Variants in TXNRD1 observed in about 807,000 individuals in gnomAD.
The protein encoded by TXNRD1 is thioredoxin reductase 1, cytoplasmic.
A neutral mutation model predicts 80.3 loss-of-function variants in TXNRD1; 57 were observed. The observed-to-expected ratio is 0.71, with a 90% CI of 0.57 to 0.89. The LOEUF (loss-of-function observed/expected upper bound fraction) is 0.89, where lower values mean the gene tolerates loss of function less well. Among genes scored for constraint, TXNRD1 ranks in the 40% least tolerant of loss-of-function variants. The pLI is 0.00. For synonymous variants in TXNRD1, 291 were observed against 285.2 expected (o/e 1.02, Z -0.20); for missense variants, 730 against 803.0 (o/e 0.91, Z 1.10).
chr12:104,290,140 G>A (rs1219454353), intron 4 of TXNRD1, among the ~76,000 whole-genome samples: 1 of 152,144 alleles, frequency 6.6e-6, no homozygotes, highest in Non-Finnish European at 1.5e-5. Context: ...TAACGCCTGC[G>A]TTAAATGTAA....
In TXNRD1 at chr12:104,251,582, C is replaced by T. The variant is rs1277643584; in HGVS notation, c.147C>T (p.Ser49=). The T allele has an allele frequency of 6.8e-6, 11 of 1,613,820 alleles. No homozygotes were observed. The highest frequency in any genetic ancestry group is 8.5e-6 in the Non-Finnish European group (10 of 1,179,840). The change falls in exon 2 of 17, where the codon AGC becomes AGT. Residue 49 remains serine (S), a synonymous_variant. Transcript: ENST00000525566. The part of the protein sequence containing the change: ...TLPENPAGFT[S]TATADSRALL... Reference sequence around the variant, plus strand: ...CAGAGAACCCAGCAGGATTCACCAGCACGGCCACTGCAGACTCCAGAGCCC... The same window carrying T: ...CAGAGAACCCAGCAGGATTCACCAGTACGGCCACTGCAGACTCCAGAGCCC...
intron 4 of TXNRD1, chr12:104,304,073 C>G (rs530761622): frequency 6.2e-7 from 1 of 1,613,922 alleles, no homozygotes; most frequent in Non-Finnish European, 8.5e-7. Context: ...GTACCGGCAG[C>G]TCATGTACTG....
At chr12:104,268,165 TTCTC>T (rs909001161) in intron 3 of TXNRD1, among the ~76,000 whole-genome samples, 13 of 144,026 alleles carry the variant, frequency 9.0e-5, no homozygotes, top group Admixed American at 4.9e-4. Context: ...CCCTTCCTCT[TTCTC>T]TCTGTCTCTC....
chr12:104,325,343 C>G lies in TXNRD1; in HGVS notation c.1222C>G (p.Gln408Glu). The change falls in exon 11 of 17, where the codon CAA (glutamine) becomes GAA (glutamate). Residue 408 changes from glutamine to glutamate, a missense_variant. By Grantham distance (29) the Gln-to-Glu change is conservative. Coordinates refer to ENST00000525566, the MANE Select transcript of TXNRD1 (RefSeq NM_001093771.3). ...AACTTTATCACTCTTACAGGTTGAA[C>G]AAATTGAAGCAGGGACACCAGGCCG... The part of the protein sequence containing the change: ...IRQFVPIKVE[Q>E]IEAGTPGRLR... The G allele has an allele frequency of 6.2e-7, 1 of 1,611,894 alleles. No homozygotes were observed. Among genetic ancestry groups the G allele is most frequent in the Non-Finnish European group, 8.5e-7 (1 of 1,178,622 alleles).
At chr12:104,310,182 GTGAGACTCC>G (rs1168423214) in intron 4 of TXNRD1, 1 of 1,243,940 alleles carries the variant, frequency 8.0e-7, no homozygotes, top group Non-Finnish European at 1.0e-6. Context: ...GTCTCACTCT[GTGAGACTCC>G]CAGGCTGGAG....
chr12:104,338,649 A>G (rs919028704), intron 15 of TXNRD1, among the ~76,000 whole-genome samples: 2 of 151,050 alleles, frequency 1.3e-5, no homozygotes, highest in African/African-American at 4.9e-5. Flanking sequence ...GTGAGTGGAG[A>G]TCGCGCCATT....
intron 1 of TXNRD1, among the ~76,000 whole-genome samples, chr12:104,242,366 G>T (rs2032892783): frequency 1.3e-5 from 2 of 151,976 alleles, no homozygotes; most frequent in East Asian, 3.9e-4. Flanking sequence ...TGGCCAAGAT[G>T]GTGAAACCCC....
intron 1 of TXNRD1, among the ~76,000 whole-genome samples, chr12:104,244,448 A>AT (rs899215804): frequency 2.0e-5 from 3 of 150,510 alleles, no homozygotes; most frequent in African/African-American, 7.3e-5. Flanking sequence ...TGCAACTTTA[A>AT]TTTTTTTTTT....
chr12:104,237,568 G>T (rs922070471), intron 1 of TXNRD1, among the ~76,000 whole-genome samples: 3 of 152,192 alleles, frequency 2.0e-5, no homozygotes, highest in African/African-American at 7.2e-5. Context: ...ACCCGGCCCT[G>T]TTCCTCCAAG....
intron 1 of TXNRD1, among the ~76,000 whole-genome samples, chr12:104,234,881 C>G (rs761846766): frequency 2.6e-5 from 4 of 152,106 alleles, no homozygotes; most frequent in Non-Finnish European, 4.4e-5. Context: ...GAGGCAATAC[C>G]TCTTGATGAC....
At chr12:104,221,205 G>A (rs1226365377) in intron 1 of TXNRD1, among the ~76,000 whole-genome samples, 1 of 152,228 alleles carries the variant, frequency 6.6e-6, no homozygotes, top group East Asian at 1.9e-4. Context: ...CGAGGCTGCA[G>A]TGAGCCATGA....
At chr12:104,258,323 T>C (rs1593716939) in intron 3 of TXNRD1, 1 of 368,036 alleles carries the variant, frequency 2.7e-6, no homozygotes, top group African/African-American at 2.1e-5. Context: ...ATTATTCTTC[T>C]TATTACTCAT....
At chr12:104,236,607 T>G (rs949243380) in intron 1 of TXNRD1, among the ~76,000 whole-genome samples, 1 of 151,996 alleles carries the variant, frequency 6.6e-6, no homozygotes, top group Non-Finnish European at 1.5e-5. Context: ...CTGACCAACA[T>G]GGAGAAACCC....
At chr12:104,296,490 C>T (rs1009754823) in intron 4 of TXNRD1, among the ~76,000 whole-genome samples, 1 of 152,170 alleles carries the variant, frequency 6.6e-6, no homozygotes, top group African/African-American at 2.4e-5. Context: ...TCGCTGCAGC[C>T]TCAACCCCCC....
chr12:104,291,115 A>G (rs1210579208), intron 4 of TXNRD1: 7 of 632,590 alleles, frequency 1.1e-5, no homozygotes, highest in East Asian at 6.0e-5. Context: ...GTATAGTGCC[A>G]TGAATGAAAA....
intron 3 of TXNRD1, among the ~76,000 whole-genome samples, chr12:104,273,431 A>G (rs2033696139): frequency 6.6e-6 from 1 of 152,106 alleles, no homozygotes; most frequent in Non-Finnish European, 1.5e-5. Flanking sequence ...CGTCTGTAAT[A>G]AAAATACAAA....
intron 13 of TXNRD1, among the ~76,000 whole-genome samples, chr12:104,328,569 A>G (rs1328907928): frequency 6.6e-6 from 1 of 152,156 alleles, no homozygotes; most frequent in Non-Finnish European, 1.5e-5. Flanking sequence ...ATTCTGGCTA[A>G]CATGGTGAAA....
At chr12:104,228,301 C>CAAA (rs11349965) in intron 1 of TXNRD1, among the ~76,000 whole-genome samples, 26 of 116,340 alleles carry the variant, frequency 2.2e-4, no homozygotes, top group South Asian at 8.4e-4. Flanking sequence ...AACTCCATCT[C>CAAA]AAAAAAAAAA....
intron 3 of TXNRD1, among the ~76,000 whole-genome samples, chr12:104,261,945 A>C (rs971404079): frequency 1.3e-5 from 2 of 151,412 alleles, no homozygotes; most frequent in Non-Finnish European, 2.9e-5. Flanking sequence ...ACAGGTTTTC[A>C]CCGTGTTGGT....
Sources: allele counts gnomAD v4.1 joint callset (sites outside exome capture counted in the v4.1 genomes callset), GRCh38; gene constraint gnomAD v4.1.1; transcripts MANE v1.5; gene names NCBI Gene and HGNC (gene_info 2026-07-23, HGNC 2026-07-21).